The following WNK2 variants were observed in gnomAD, a reference collection of about 807,000 sequenced individuals.
WNK2 encodes serine/threonine-protein kinase WNK2.
WNK2 carries 67 observed loss-of-function variants against 192.1 expected under a neutral mutation model. That is an observed-to-expected ratio of 0.35 (90% confidence interval 0.29 to 0.43). The LOEUF (loss-of-function observed/expected upper bound fraction) is 0.43. Ranked by LOEUF, WNK2 falls within the 20% of genes least tolerant of loss-of-function variation. The probability of loss-of-function intolerance (pLI) is 1.00; values close to 1 mark genes in which losing one functional copy is unlikely to be tolerated. For synonymous variants in WNK2, 1,439 were observed against 1,393.9 expected, an observed-to-expected ratio of 1.03 and a Z score of -0.72; for missense variants, 2,698 against 3,089.7, an observed-to-expected ratio of 0.87 and a Z score of 3.01.
rs190924538 is a variant in WNK2 at position 93,307,010 on chromosome 9, C to G, written c.6259+189C>G. 33 of 670,058 alleles carry G rather than the reference C, an allele frequency of 4.9e-5. No individual in the cohort carries two copies. In the African/African-American group the frequency reaches 5.9e-4, roughly 12 times the overall value. 41.5% of individuals were successfully genotyped at this position (670,058 alleles called of 1,614,324 possible). ...GCGGGATCGCTGTCCTCGGCTCCCC[C>G]GTGTGTCTCGTGGCGCCTAGAGTTT... On this transcript the variant is annotated intron_variant, in intron 27 of 29. Coordinates refer to ENST00000427277, the MANE Select transcript of WNK2 (RefSeq NM_006648.4).
Position 93,318,152 on chromosome 9 carries a change from A to C in WNK2, c.6628+521A>C, listed in dbSNP as rs901635585. 17 of 1,511,186 alleles carry C rather than the reference A, an allele frequency of 1.1e-5. No homozygotes were observed. The African/African-American group carries it at 2.2e-4, about 20-fold the overall frequency. 93.6% of individuals were successfully genotyped at this position (1,511,186 alleles called of 1,614,324 possible). ...CCAGCTTTTCCGTTCCCTGATGAAA[A>C]GATATGTTAAAAAAAATTATCGGAA... On this transcript the variant is annotated intron_variant, in intron 29 of 29. Transcript: ENST00000427277.
chr9:93,202,159 G>C (rs1177512349), intron 2 of WNK2, among the ~76,000 whole-genome samples: 2 of 152,216 alleles, frequency 1.3e-5, no homozygotes, highest in Non-Finnish European at 2.9e-5. Flanking sequence ...GACCATACAA[G>C]ATGGCTCTGT....
In WNK2 at chr9:93,257,028, C is replaced by A. The variant is rs35674470; in HGVS notation, c.2271C>A (p.Pro757=). The part of the protein sequence containing the change: ...QPVVPLQPVP[P]HLPPYLAPAS... Reference sequence around the variant, plus strand: ...TGGTCCCCCTCCAGCCGGTTCCCCCCCACCTGCCACCGTACCTGGCTCCAG... The same window carrying A: ...TGGTCCCCCTCCAGCCGGTTCCCCCACACCTGCCACCGTACCTGGCTCCAG... Residue 757 remains proline (P), a synonymous_variant, in exon 11 of 30, where the codon CCC becomes CCA. Transcript: ENST00000427277. The surrounding 1 kb of genome is among the most constrained non-coding windows in gnomAD (Gnocchi z 4.7). 1 of 1,604,626 alleles carries A rather than the reference C, an allele frequency of 6.2e-7. No homozygotes were observed.
intron 16 of WNK2, among the ~76,000 whole-genome samples, chr9:93,265,802 C>G (rs1036022724): frequency 6.6e-6 from 1 of 152,240 alleles, no homozygotes; most frequent in Non-Finnish European, 1.5e-5. Context: ...CAGCCTGTGT[C>G]GTGTCCACTG....
chr9:93,293,874 T>G (rs996356261), intron 23 of WNK2, among the ~76,000 whole-genome samples: 1 of 151,970 alleles, frequency 6.6e-6, no homozygotes, highest in Non-Finnish European at 1.5e-5. Context: ...CCTGTCTCGC[T>G]TCCCACCACT....
At chr9:93,211,239 C>T (rs796616985) in intron 2 of WNK2, among the ~76,000 whole-genome samples, 1 of 19,710 alleles carries the variant, frequency 5.1e-5, no homozygotes, top group Non-Finnish European at 1.1e-4. Context: ...CTCACTCACT[C>T]ATTCACTCAC....
intron 7 of WNK2, among the ~76,000 whole-genome samples, chr9:93,242,998 T>C (rs1841040186): frequency 6.6e-6 from 1 of 152,126 alleles, no homozygotes; most frequent in Non-Finnish European, 1.5e-5. Flanking sequence ...CAGGGAGCTG[T>C]GTCAGGAGGC....
intron 19 of WNK2, among the ~76,000 whole-genome samples, chr9:93,280,337 C>T (rs1847542597): frequency 6.6e-6 from 1 of 152,178 alleles, no homozygotes; most frequent in Non-Finnish European, 1.5e-5. Flanking sequence ...CCACCGTACA[C>T]TATTAAAATA....
chr9:93,308,800 G>A (rs1312307126), intron 28 of WNK2: 2 of 1,421,764 alleles, frequency 1.4e-6, no homozygotes, highest in Non-Finnish European at 9.2e-7. Flanking sequence ...CAGGTGGAAA[G>A]GACAGGCCAG....
chr9:93,203,007 G>C (rs971924708), intron 2 of WNK2, among the ~76,000 whole-genome samples: 1 of 151,994 alleles, frequency 6.6e-6, no homozygotes, highest in Non-Finnish European at 1.5e-5. Flanking sequence ...GGCCCTCTGA[G>C]GTCTGTGTCC....
At position 93,239,699 on chromosome 9, in the gene WNK2, G is replaced by T. The variant is rs953040080; in HGVS notation, c.1323-58G>T. On this transcript the variant is annotated intron_variant, in intron 6 of 29. Transcript: ENST00000427277. This position sits in a 1 kb window ranked among gnomAD's most constrained non-coding sequence, Gnocchi z 4.2. ...TGTCCTGGTGCGCATGGACACAGGA[G>T]CCTGGGCATGGAGGCCCTGGCGCCC... 1.4e-6 allele frequency: 2 copies of T among 1,475,720 alleles called. No individual in the cohort carries two copies. Among genetic ancestry groups the T allele is most frequent in the South Asian group, 2.5e-5 (2 of 79,432 alleles). 91.4% of individuals were successfully genotyped at this position (1,475,720 alleles called of 1,614,324 possible).
intron 28 of WNK2, among the ~76,000 whole-genome samples, chr9:93,313,371 T>C (rs1364502681): frequency 1.3e-5 from 2 of 152,026 alleles, no homozygotes; most frequent in African/African-American, 4.8e-5. Context: ...AGTTGAATTT[T>C]TTTTTAACCG....
At chr9:93,305,241 G>A (rs7866298) in intron 26 of WNK2, among the ~76,000 whole-genome samples, 4 of 152,312 alleles carry the variant, frequency 2.6e-5, no homozygotes, top group African/African-American at 7.2e-5. Context: ...CACAGCCCCC[G>A]ACAAAGCCTG....
At chr9:93,218,041 G>T (rs1408789994) in intron 2 of WNK2, among the ~76,000 whole-genome samples, 1 of 151,454 alleles carries the variant, frequency 6.6e-6, no homozygotes, top group East Asian at 2.0e-4. Context: ...GTGGGGTGGG[G>T]GGAAGGGCCT....
chr9:93,227,415 A>G (rs1838013963), intron 2 of WNK2, among the ~76,000 whole-genome samples: 2 of 151,868 alleles, frequency 1.3e-5, no homozygotes, highest in South Asian at 4.2e-4. Context: ...ACCCGGCCGT[A>G]TCCATCTTTT....
rs796385049 is a variant in WNK2, at chr9:93,230,713, G to A, written c.855-175G>A. Among the ~76,000 whole-genome samples, 3 of 152,234 alleles carry A rather than the reference G, an allele frequency of 2.0e-5. No homozygotes were observed. The South Asian group carries it at 6.2e-4, about 32-fold the overall frequency. ...ACCCAGCTGGCTGCTCAGGGGCCTGGCTCCAGGGCGGAACTGTCCGGCCCT... is the reference window on the plus strand; with the variant it reads ...ACCCAGCTGGCTGCTCAGGGGCCTGACTCCAGGGCGGAACTGTCCGGCCCT... On this transcript the variant is annotated intron_variant, in intron 3 of 29. Transcript: ENST00000427277.
chr9:93,297,496 C>T (rs1850802688), intron 23 of WNK2, among the ~76,000 whole-genome samples: 1 of 152,242 alleles, frequency 6.6e-6, no homozygotes. Context: ...GTCTCTAGTG[C>T]CTGGCACCTG....
At chr9:93,200,269 A>G (rs1348720392) in intron 2 of WNK2, among the ~76,000 whole-genome samples, 1 of 152,182 alleles carries the variant, frequency 6.6e-6, no homozygotes, top group Non-Finnish European at 1.5e-5. Flanking sequence ...GGTCCAGGGC[A>G]GGTTTGTCTG....
At chr9:93,233,977 T>C (rs1265800500) in intron 4 of WNK2, among the ~76,000 whole-genome samples, 2 of 152,154 alleles carry the variant, frequency 1.3e-5, no homozygotes, top group Non-Finnish European at 2.9e-5. Flanking sequence ...AAGCTTATTA[T>C]AGAGAATAGA....
Sources: gnomAD v4.1 joint callset for allele counts (sites outside exome capture counted in the v4.1 genomes callset) on GRCh38, gnomAD v4.1.1 for gene constraint, Gnocchi (gnomAD v3.1) non-coding constraint, MANE v1.5 for transcripts, NCBI Gene and HGNC (gene_info 2026-07-23, HGNC 2026-07-21) for gene names.